The following DKK2 variants were observed in gnomAD, a reference collection of about 807,000 sequenced individuals.
The protein encoded by DKK2 is dickkopf Wnt signaling pathway inhibitor 2.
A neutral mutation model predicts 28.1 loss-of-function variants in DKK2; 11 were observed. The ratio of observed to expected loss-of-function variants is 0.39; its 90% CI spans 0.25 to 0.65. The LOEUF is 0.65. DKK2 is among the 30% of genes least tolerant of loss of function. The probability of loss-of-function intolerance (pLI) is 0.47; values close to 1 mark genes in which losing one functional copy is unlikely to be tolerated. For missense variants in DKK2, 326 were observed against 335.5 expected (o/e 0.97, Z 0.22); for synonymous variants, 135 against 126.5 (o/e 1.07, Z -0.45).
intron 1 of DKK2, among the ~76,000 whole-genome samples, chr4:107,009,690 C>A (rs992871827): frequency 6.6e-6 from 1 of 151,500 alleles, no homozygotes; most frequent in East Asian, 1.9e-4. Context: ...TGGGGGAGGG[C>A]AAAGGGACAG....
At chr4:106,960,113 G>GTTAT (rs1560580411) in intron 1 of DKK2, among the ~76,000 whole-genome samples, 1 of 118,146 alleles carries the variant, frequency 8.5e-6, no homozygotes, top group African/African-American at 3.6e-5. Context: ...GAGAAAAAAT[G>GTTAT]TTATATATAT....
chr4:107,008,281 G>C (rs981620626), intron 1 of DKK2, among the ~76,000 whole-genome samples: 2 of 151,992 alleles, frequency 1.3e-5, no homozygotes, highest in African/African-American at 4.8e-5. Flanking sequence ...CTAGACATTG[G>C]GTGTATGATG....
chr4:107,011,630 A>G (rs1723518840), intron 1 of DKK2, among the ~76,000 whole-genome samples: 1 of 151,462 alleles, frequency 6.6e-6, no homozygotes, highest in South Asian at 2.1e-4. Context: ...ATGTAATAAA[A>G]TAACATTTGC....
In DKK2 at chr4:106,941,931, C is replaced by T. The variant is rs181134985; in HGVS notation, c.223-15982G>A. On this transcript the variant is annotated intron_variant, in intron 1 of 3. Coordinates refer to ENST00000285311, the MANE Select transcript of DKK2 (RefSeq NM_014421.3). ...AAAATAATCAATATCTCAGTACATA[C>T]ATGGACTTGCCTCTCAGCCTCCTAC... Among the ~76,000 whole-genome samples the T allele has an allele frequency of 7.4e-4, 112 of 152,178 alleles. 1 individual carries two copies. Among genetic ancestry groups the T allele is most frequent in the South Asian group, 8.3e-4 (4 of 4,830 alleles).
rs72666012 is a variant in DKK2, at chr4:106,968,491, G to A, written c.223-42542C>T. Among the ~76,000 whole-genome samples the A allele has an allele frequency of 6.5e-3, 990 of 152,160 alleles. 7 individuals carry two copies. The highest frequency in any genetic ancestry group is 0.01 in the Non-Finnish European group (699 of 68,004). On this transcript the variant is annotated intron_variant, in intron 1 of 3. Coordinates refer to ENST00000285311, the MANE Select transcript of DKK2 (RefSeq NM_014421.3). ...GTAGGCATATATCATGTATGTGCAC[G>A]CATGTCCTTTTACTCTGTCTCCACT...
At chr4:106,933,846 G>A (rs541376428) in intron 1 of DKK2, among the ~76,000 whole-genome samples, 3 of 152,000 alleles carry the variant, frequency 2.0e-5, no homozygotes, top group African/African-American at 7.3e-5. Flanking sequence ...ACAGGTTATG[G>A]TTGGTGAATA....
chr4:107,019,882 G>T (rs1042847875), intron 1 of DKK2, among the ~76,000 whole-genome samples: 3 of 151,818 alleles, frequency 2.0e-5, no homozygotes, highest in Non-Finnish European at 4.4e-5. Context: ...CATGAATTAT[G>T]TGTTCAGTGC....
chr4:106,978,591 C>G (rs367870509), intron 1 of DKK2, among the ~76,000 whole-genome samples: 3 of 152,050 alleles, frequency 2.0e-5, no homozygotes, highest in South Asian at 2.1e-4. Context: ...GCCCCTCCCC[C>G]CACCAAGCTC....
At chr4:107,028,111 T>G (rs938451805) in intron 1 of DKK2, among the ~76,000 whole-genome samples, 4 of 152,184 alleles carry the variant, frequency 2.6e-5, no homozygotes, top group Non-Finnish European at 5.9e-5. Context: ...ACAATTCCAC[T>G]AATTACTTAA....
chr4:106,968,143 G>T (rs996079409), intron 1 of DKK2, among the ~76,000 whole-genome samples: 1 of 107,324 alleles, frequency 9.3e-6, no homozygotes, highest in Non-Finnish European at 2.3e-5. Context: ...AAGGAAGGAA[G>T]AGACAAAAAA....
In DKK2 at chr4:106,925,861, C is replaced by T. The variant is rs541386879; in HGVS notation, c.311G>A (p.Arg104Gln). 4.5e-5 allele frequency: 72 copies of T among 1,610,208 alleles called. No individual in the cohort carries two copies. The highest frequency in any genetic ancestry group is 8.4e-5 in the Admixed American group (5 of 59,642). ...TCGGTGGCAGCGCTTCTTTTTTCTCCGACACACCATGCAGGCCGATGATCC... is the reference window on the plus strand; with the variant it reads ...TCGGTGGCAGCGCTTCTTTTTTCTCTGACACACCATGCAGGCCGATGATCC... ...HQGSSACMVC[R>Q]RKKKRCHRDG... is the part of the protein sequence containing the mutation. Residue 104 changes from arginine (R) to glutamine (Q), a missense_variant, in exon 2 of 4, where the codon CGG (arginine) becomes CAG (glutamine). By Grantham distance (43) the Arg-to-Gln change is conservative. Transcript: ENST00000285311.
chr4:106,984,958 C>T (rs1723094207), intron 1 of DKK2, among the ~76,000 whole-genome samples: 1 of 152,060 alleles, frequency 6.6e-6, no homozygotes, highest in Non-Finnish European at 1.5e-5. Flanking sequence ...GCCTGTAATC[C>T]CAGAACTCTG....
At chr4:107,017,287 T>C (rs1723624464) in intron 1 of DKK2, among the ~76,000 whole-genome samples, 3 of 152,044 alleles carry the variant, frequency 2.0e-5, no homozygotes. Context: ...GAAGTTATCT[T>C]AATGCAATGG....
In DKK2 at chr4:106,921,997, GA is replaced by G. The variant is rs1297617837; in HGVS notation, c.*1956del. ...ATAATTTTTAAAAGGGTGGACATAAGAAAAATATTGCAGAAACCAAATTGTA... is the reference window on the plus strand; with the variant it reads ...ATAATTTTTAAAAGGGTGGACATAAGAAAATATTGCAGAAACCAAATTGTA... On this transcript the variant is annotated 3_prime_UTR_variant, in exon 4 of 4. Transcript: ENST00000285311. 1 of 152,468 alleles carries G rather than the reference GA, an allele frequency of 6.6e-6. No individual in the cohort carries two copies. The allele number at this position is 152,468 out of a possible 1,614,324, so 9.4% of individuals were successfully genotyped here. A position where few individuals can be genotyped will look rare whatever the true frequency, so the allele number is the denominator to read the frequency against.
intron 1 of DKK2, among the ~76,000 whole-genome samples, chr4:106,961,246 T>C (rs1373469506): frequency 1.3e-5 from 2 of 152,180 alleles, no homozygotes; most frequent in African/African-American, 4.8e-5. Context: ...AATGTCCATG[T>C]GTTCTAAAAT....
In DKK2 at chr4:107,035,755, TC is replaced by T. The variant is rs1209117054; in HGVS notation, c.-165del. On this transcript the variant is annotated 5_prime_UTR_variant, in exon 1 of 4. Coordinates refer to ENST00000285311, the MANE Select transcript of DKK2 (RefSeq NM_014421.3). The stretch of plus-strand genomic sequence containing the variant: ...GGGACCCAGGACCCTATGAACTCAG[TC>T]TCACGCCTCAGGACAGAAATTAGCG... 1 of 655,746 alleles carries T rather than the reference TC, an allele frequency of 1.5e-6. No homozygotes were observed. Among genetic ancestry groups the T allele is most frequent in the Non-Finnish European group, 2.6e-6 (1 of 385,114 alleles). The allele number at this position is 655,746 out of a possible 1,614,324, so 40.6% of individuals were successfully genotyped here. A position where few individuals can be genotyped will look rare whatever the true frequency, so the allele number is the denominator to read the frequency against.
chr4:106,991,993 C>T (rs553163337), intron 1 of DKK2, among the ~76,000 whole-genome samples: 1 of 152,158 alleles, frequency 6.6e-6, no homozygotes, highest in African/African-American at 2.4e-5. Flanking sequence ...AAAAATAATC[C>T]CACGAATCCA....
intron 1 of DKK2, among the ~76,000 whole-genome samples, chr4:106,970,614 G>A (rs114974644): frequency 6.6e-6 from 1 of 151,970 alleles, no homozygotes; most frequent in Non-Finnish European, 1.5e-5. Context: ...CTCAATAGGT[G>A]TTTCCAGTTT....
chr4:106,982,323 G>T (rs1358065278), intron 1 of DKK2, among the ~76,000 whole-genome samples: 1 of 152,130 alleles, frequency 6.6e-6, no homozygotes, highest in Non-Finnish European at 1.5e-5. Flanking sequence ...GAAGAAAGAA[G>T]TGCACAGAAT....
Sources: gnomAD v4.1 joint callset for allele counts (sites outside exome capture counted in the v4.1 genomes callset) on GRCh38, gnomAD v4.1.1 for gene constraint, MANE v1.5 for transcripts, NCBI Gene and HGNC (gene_info 2026-07-23, HGNC 2026-07-21) for gene names.